VAT1L: variants seen among roughly 807,000 people sequenced by gnomAD.
VAT1L encodes the protein vesicle amine transport 1 like.
In VAT1L, 34 loss-of-function variants were observed where a neutral mutation model predicts 44.1. The observed-to-expected ratio is 0.77, with a 90% CI of 0.59 to 1.03. The LOEUF (loss-of-function observed/expected upper bound fraction) is 1.03. VAT1L is among the 50% of genes least tolerant of loss of function. VAT1L has a pLI of 0.00. For synonymous variants in VAT1L, 253 were observed against 202.2 expected, an observed-to-expected ratio of 1.25 and a Z score of -2.13; for missense variants, 615 against 538.8, an observed-to-expected ratio of 1.14 and a Z score of -1.40.
chr16:77,841,308 C>T (rs1358079218), intron 3 of VAT1L, among the ~76,000 whole-genome samples: 2 of 152,214 alleles, frequency 1.3e-5, no homozygotes, highest in African/African-American at 4.8e-5. Flanking sequence ...GTTTTGAACT[C>T]CTGGGCTCAT....
chr16:77,806,310 A>C lies in VAT1L; in HGVS notation c.234-10611A>C, dbSNP rs112778775. ...TTGCAAGCTCCGCCTCCCGGGTTGA[A>C]GCCATTCTCCTGCCTCAGCCTCCCA... On this transcript the variant is annotated intron_variant, in intron 1 of 8. Coordinates refer to ENST00000302536, the MANE Select transcript of VAT1L (RefSeq NM_020927.3). 4.1e-3 allele frequency among the ~76,000 whole-genome samples: 624 copies of C among 152,190 alleles called. 1 individual carries two copies. Among genetic ancestry groups the C allele is most frequent in the African/African-American group, 0.015 (608 of 41,508 alleles).
At chr16:77,975,196 T>TTTTTTTTTTTTTTTG (rs2018324140) in intron 8 of VAT1L, among the ~76,000 whole-genome samples, 1 of 14,916 alleles carries the variant, frequency 6.7e-5, no homozygotes, top group Non-Finnish European at 1.3e-4. Flanking sequence ...AATGACCACT[T>TTTTTTTTTTTTTTTG]TTTTTTTTTT....
chr16:77,794,149 A>C (rs531515686), intron 1 of VAT1L, among the ~76,000 whole-genome samples: 1 of 152,306 alleles, frequency 6.6e-6, no homozygotes, highest in East Asian at 1.9e-4. Context: ...AGAGAGACAC[A>C]CACACAAATC....
At chr16:77,941,375 G>T (rs1378875777) in intron 7 of VAT1L, among the ~76,000 whole-genome samples, 2 of 152,144 alleles carry the variant, frequency 1.3e-5, no homozygotes, top group Non-Finnish European at 1.5e-5. Flanking sequence ...GCTGTCATAT[G>T]TTGATTTGTA....
At chr16:77,845,710 A>G (rs117903966) in intron 3 of VAT1L, among the ~76,000 whole-genome samples, 3,123 of 152,042 alleles carry the variant, frequency 0.021, 65 homozygotes, top group Middle Eastern at 0.082. Flanking sequence ...GCACTGTCCA[A>G]CCGTCCACCC....
chr16:77,933,689 G>A (rs1486654680), intron 7 of VAT1L, among the ~76,000 whole-genome samples: 1 of 152,214 alleles, frequency 6.6e-6, no homozygotes, highest in African/African-American at 2.4e-5. Context: ...GAGGTCTTAA[G>A]CAGAGCTGGA....
At chr16:77,842,709 T>A (rs2016719349) in intron 3 of VAT1L, among the ~76,000 whole-genome samples, 1 of 152,168 alleles carries the variant, frequency 6.6e-6, no homozygotes, top group Non-Finnish European at 1.5e-5. Context: ...AATGTCAGTT[T>A]CCTAAAACAC....
At chr16:77,948,240 T>G (rs1414308073) in intron 7 of VAT1L, among the ~76,000 whole-genome samples, 3 of 152,196 alleles carry the variant, frequency 2.0e-5, no homozygotes, top group African/African-American at 7.2e-5. Flanking sequence ...AGAGGCTGCA[T>G]GTGCTCATCT....
intron 7 of VAT1L, among the ~76,000 whole-genome samples, chr16:77,930,824 G>A (rs965575559): frequency 6.6e-6 from 1 of 152,208 alleles, no homozygotes; most frequent in Non-Finnish European, 1.5e-5. Flanking sequence ...ATTCTGGAAA[G>A]AGCAGGTGGA....
intron 1 of VAT1L, among the ~76,000 whole-genome samples, chr16:77,792,912 G>A (rs1422519444): frequency 6.6e-6 from 1 of 152,146 alleles, no homozygotes; most frequent in Non-Finnish European, 1.5e-5. Context: ...GATGCCTGGT[G>A]CTTAGCAAGC....
intron 1 of VAT1L, 138 bp downstream of exon 1, chr16:77,789,053 G>C: frequency 9.1e-7 from 1 of 1,095,554 alleles, no homozygotes; most frequent in Non-Finnish European, 1.2e-6. Flanking sequence ...CCGGGTCTCA[G>C]AGCCTCCCCG....
chr16:77,793,641 G>A (rs984248276), intron 1 of VAT1L, among the ~76,000 whole-genome samples: 3 of 152,142 alleles, frequency 2.0e-5, no homozygotes, highest in South Asian at 2.1e-4. Context: ...GCAGTAGAAG[G>A]GCACTAATGG....
intron 7 of VAT1L, among the ~76,000 whole-genome samples, chr16:77,899,751 C>T: frequency 6.6e-6 from 1 of 152,238 alleles, no homozygotes; most frequent in East Asian, 1.9e-4. Flanking sequence ...GCTCACCCAA[C>T]CTTTCCAGGG....
intron 3 of VAT1L, among the ~76,000 whole-genome samples, chr16:77,831,616 G>A (rs968579569): frequency 1.3e-5 from 2 of 152,026 alleles, no homozygotes; most frequent in East Asian, 1.9e-4. Context: ...AACCTGTTAC[G>A]GTAATGAAAA....
intron 1 of VAT1L, among the ~76,000 whole-genome samples, chr16:77,799,507 GTGT>G (rs2016004846): frequency 1.4e-3 from 1 of 698 alleles, no homozygotes. Context: ...AATACATGGT[GTGT>G]GTGTGTGTGT....
At chr16:77,873,399 C>T (rs2017052419) in intron 4 of VAT1L, among the ~76,000 whole-genome samples, 1 of 152,160 alleles carries the variant, frequency 6.6e-6, no homozygotes, top group South Asian at 2.1e-4. Context: ...AGTTTCCTTT[C>T]CGAGGAAGCA....
chr16:77,819,106 T>C lies in VAT1L; in HGVS notation c.363+2056T>C, dbSNP rs2016405347. ...GAGCTGAACCTATGGCTTGGACATA[T>C]TTGCTATTTTGATAATGAAATGGAA... On this transcript the variant is annotated intron_variant, in intron 2 of 8. Transcript: ENST00000302536. 3.9e-5 allele frequency among the ~76,000 whole-genome samples: 6 copies of C among 152,172 alleles called. No individual in the cohort carries two copies. In the South Asian group the frequency reaches 1.2e-3, roughly 32 times the overall value.
intron 7 of VAT1L, among the ~76,000 whole-genome samples, chr16:77,897,732 C>T (rs899553902): frequency 1.3e-5 from 2 of 152,194 alleles, no homozygotes; most frequent in Non-Finnish European, 2.9e-5. Context: ...GCCTCGGCCT[C>T]CCCAAGTGCT....
intron 7 of VAT1L, among the ~76,000 whole-genome samples, chr16:77,898,445 G>A (rs2017347404): frequency 6.6e-6 from 1 of 152,152 alleles, no homozygotes; most frequent in South Asian, 2.1e-4. Flanking sequence ...GGTTAAAAGG[G>A]CAAACTCCAG....
Sources: allele counts gnomAD v4.1 joint callset (sites outside exome capture counted in the v4.1 genomes callset), GRCh38; gene constraint gnomAD v4.1.1; transcripts MANE v1.5; gene names NCBI Gene and HGNC (gene_info 2026-07-23, HGNC 2026-07-21).